ZC3H12B: variants seen among roughly 807,000 people sequenced by gnomAD.
ZC3H12B encodes the protein zinc finger CCCH-type containing 12B.
A neutral mutation model predicts 43.9 loss-of-function variants in ZC3H12B; 7 were observed. The ratio of observed to expected loss-of-function variants is 0.16; its 90% confidence interval spans 0.09 to 0.30. ZC3H12B has a LOEUF of 0.30. ZC3H12B is among the 10% of genes least tolerant of loss of function. ZC3H12B has a pLI of 1.00. For synonymous variants in ZC3H12B, 222 were observed against 241.7 expected, an observed-to-expected ratio of 0.92 and a Z score of 0.76; for missense variants, 475 against 670.2, an observed-to-expected ratio of 0.71 and a Z score of 3.22.
intron 1 of ZC3H12B, among the ~76,000 whole-genome samples, chrX:65,490,957 G>A (rs1295806941): frequency 9.0e-6 from 1 of 110,623 alleles, no homozygotes; most frequent in Non-Finnish European, 1.9e-5. Context: ...GTCATGAACC[G>A]TACCATTGCT....
At chrX:65,344,718 G>A in the ZC3H12B span, among the ~76,000 whole-genome samples, 2 of 112,241 alleles carry the variant, frequency 1.8e-5, no homozygotes, top group Non-Finnish European at 3.8e-5. Context: ...ACTGAAAACT[G>A]AGATATAAAC....
chrX:65,164,002 C>T, the ZC3H12B span, among the ~76,000 whole-genome samples: 1 of 111,930 alleles, frequency 8.9e-6, no homozygotes, highest in African/African-American at 3.2e-5. Context: ...TAAAAACTAC[C>T]TGTCGTTATA....
the ZC3H12B span, among the ~76,000 whole-genome samples, chrX:65,120,459 G>T: frequency 9.0e-6 from 1 of 111,292 alleles, no homozygotes; most frequent in South Asian, 3.8e-4. Flanking sequence ...GTCTGTTATT[G>T]GTGTGTAATA....
chrX:65,064,419 C>T, the ZC3H12B span, among the ~76,000 whole-genome samples: 1 of 112,105 alleles, frequency 8.9e-6, no homozygotes, highest in Non-Finnish European at 1.9e-5. Flanking sequence ...ACCCAGTAGT[C>T]ATTCAGAAGC....
intron 3 of ZC3H12B, among the ~76,000 whole-genome samples, chrX:65,477,760 G>C (rs2068013347): frequency 9.3e-6 from 1 of 107,503 alleles, no homozygotes; most frequent in Non-Finnish European, 1.9e-5. Context: ...GCAAGACTCT[G>C]TCTCAAAAAA....
the ZC3H12B span, chrX:65,356,743 C>A: frequency 2.9e-5 from 4 of 135,872 alleles, no homozygotes; most frequent in Non-Finnish European, 4.4e-5. Flanking sequence ...TGCAGCTCAA[C>A]TGGTTCAAGG....
At chrX:65,494,396 A>G (rs186899880) in intron 1 of ZC3H12B, among the ~76,000 whole-genome samples, 1 of 110,553 alleles carries the variant, frequency 9.0e-6, no homozygotes, top group East Asian at 2.8e-4. Context: ...ACAGGTGTGC[A>G]TCACCATACT....
At chrX:65,331,271 C>G in the ZC3H12B span, 2 of 114,580 alleles carry the variant, frequency 1.7e-5, no homozygotes, top group African/African-American at 6.5e-5. Context: ...CTTTCAGCAC[C>G]CCTGACTACC....
the ZC3H12B span, among the ~76,000 whole-genome samples, chrX:65,202,401 C>A: frequency 9.3e-6 from 1 of 107,577 alleles, no homozygotes; most frequent in Admixed American, 1.0e-4. Flanking sequence ...AATTCAAAGG[C>A]ACTTGGTTGT....
the ZC3H12B span, among the ~76,000 whole-genome samples, chrX:65,316,859 A>T: frequency 8.9e-6 from 1 of 111,884 alleles, no homozygotes; most frequent in African/African-American, 3.2e-5. Context: ...GGAAAGTAGG[A>T]TAAAGAATCA....
chrX:65,159,490 T>C, the ZC3H12B span, among the ~76,000 whole-genome samples: 1 of 111,728 alleles, frequency 9.0e-6, no homozygotes, highest in African/African-American at 3.3e-5. Flanking sequence ...ACATCCCTTG[T>C]AAGTTGGATT....
chrX:65,333,925 T>C, the ZC3H12B span, among the ~76,000 whole-genome samples: 1 of 110,751 alleles, frequency 9.0e-6, no homozygotes, highest in Admixed American at 9.6e-5. Flanking sequence ...ATTATAGGAG[T>C]TTCTCACAAA....
chrX:65,167,517 G>T, the ZC3H12B span, among the ~76,000 whole-genome samples: 6 of 111,533 alleles, frequency 5.4e-5, no homozygotes, highest in South Asian at 1.9e-3. Context: ...GATTGTCTTG[G>T]GTATGTGGGC....
the ZC3H12B span, among the ~76,000 whole-genome samples, chrX:65,104,488 G>C: frequency 3.6e-5 from 4 of 111,563 alleles, no homozygotes; most frequent in Non-Finnish European, 5.6e-5. Flanking sequence ...CCTACAGAAT[G>C]GGAGAAAATT....
chrX:65,384,071 T>G (rs1245447954), intron 2 of ZC3H12B, among the ~76,000 whole-genome samples: 1 of 101,363 alleles, frequency 9.9e-6, no homozygotes, highest in Non-Finnish European at 2.0e-5. Context: ...CATGCACACG[T>G]ATGTTTATTG....
chrX:65,392,856 G>A (rs2066644140), intron 2 of ZC3H12B, among the ~76,000 whole-genome samples: 1 of 112,963 alleles, frequency 8.9e-6, no homozygotes, highest in Admixed American at 9.3e-5. Flanking sequence ...CTGTGTCTGT[G>A]TAGAACGAAG....
intron 3 of ZC3H12B, among the ~76,000 whole-genome samples, chrX:65,450,723 A>G (rs1297478535): frequency 4.9e-5 from 2 of 40,510 alleles, no homozygotes; most frequent in Admixed American, 3.1e-4. Flanking sequence ...ATGTATACAT[A>G]TGTGTATATA....
chrX:65,273,496 G>C, the ZC3H12B span, among the ~76,000 whole-genome samples: 1 of 111,251 alleles, frequency 9.0e-6, no homozygotes, highest in Admixed American at 9.5e-5. Context: ...TGGAGTCCCA[G>C]AAAGAGAAGA....
chrX:65,228,974 A>T, the ZC3H12B span, among the ~76,000 whole-genome samples: 1 of 111,741 alleles, frequency 8.9e-6, no homozygotes, highest in South Asian at 3.8e-4. Context: ...TAATTTGTAG[A>T]TTCCATGCCA....
Sources: allele counts gnomAD v4.1 joint callset (sites outside exome capture counted in the v4.1 genomes callset), GRCh38; gene constraint gnomAD v4.1.1; transcripts MANE v1.5; gene names NCBI Gene and HGNC (gene_info 2026-07-23, HGNC 2026-07-21).